Variants in CERS3 observed in about 807,000 individuals in gnomAD.
CERS3 encodes ceramide synthase 3.
In CERS3, 33 loss-of-function variants were observed where a neutral mutation model predicts 50.3. The observed-to-expected ratio is 0.66, with a 90% CI of 0.50 to 0.88. CERS3 has a LOEUF of 0.88. Ranked by LOEUF, CERS3 falls within the 40% of genes least tolerant of loss-of-function variation. The probability of loss-of-function intolerance (pLI) is 0.00; values close to 1 mark genes in which losing one functional copy is unlikely to be tolerated. For missense variants in CERS3, 470 were observed against 460.3 expected (o/e 1.02, Z -0.19); for synonymous variants, 176 against 155.2 (o/e 1.13, Z -0.99).
intron 1 of CERS3, among the ~76,000 whole-genome samples, chr15:100,537,318 G>C (rs1425324651): frequency 1.3e-5 from 2 of 152,244 alleles, no homozygotes; most frequent in Non-Finnish European, 2.9e-5. Flanking sequence ...GGTTGTTCCA[G>C]AGGGCATTAG....
intron 1 of CERS3, among the ~76,000 whole-genome samples, chr15:100,526,278 G>A (rs2036786095): frequency 6.6e-6 from 1 of 152,212 alleles, no homozygotes; most frequent in Non-Finnish European, 1.5e-5. Context: ...TTCGTGTTGG[G>A]GAGGGCTTGG....
chr15:100,445,121 T>C (rs1241155058), intron 11 of CERS3, among the ~76,000 whole-genome samples: 4 of 150,852 alleles, frequency 2.7e-5, no homozygotes, highest in South Asian at 2.1e-4. Flanking sequence ...GGCCTGTCCT[T>C]GGAATGCTAC....
chr15:100,441,603 C>A (rs923907757), intron 11 of CERS3, among the ~76,000 whole-genome samples: 1 of 152,096 alleles, frequency 6.6e-6, no homozygotes, highest in African/African-American at 2.4e-5. Context: ...CTCTTTAACT[C>A]GCACCTGACC....
At chr15:100,464,531 A>G (rs533251750) in intron 10 of CERS3, among the ~76,000 whole-genome samples, 2 of 152,318 alleles carry the variant, frequency 1.3e-5, no homozygotes, top group South Asian at 4.1e-4. Context: ...AGGTGGACCT[A>G]CCTGCGTGGA....
intron 11 of CERS3, among the ~76,000 whole-genome samples, chr15:100,438,322 G>C (rs996593378): frequency 1.3e-5 from 2 of 152,006 alleles, no homozygotes; most frequent in Admixed American, 6.6e-5. Flanking sequence ...TAGGATTCCA[G>C]TCATAAGCCA....
At chr15:100,499,327 A>G (rs1220687083) in intron 3 of CERS3, among the ~76,000 whole-genome samples, 1 of 152,236 alleles carries the variant, frequency 6.6e-6, no homozygotes, top group Non-Finnish European at 1.5e-5. Context: ...ATTAGAAACT[A>G]GTAGTCTGGA....
At chr15:100,530,540 A>ACACCTAC (rs2036912397), upstream of CERS3, among the ~76,000 whole-genome samples, 1 of 152,122 alleles carries the variant, frequency 6.6e-6, no homozygotes, top group East Asian at 1.9e-4. Context: ...CTTTATTGCA[A>ACACCTAC]CACCTACTAC....
intron 3 of CERS3, among the ~76,000 whole-genome samples, chr15:100,497,306 ATG>A (rs139734142): frequency 0.054 from 7,891 of 145,700 alleles, 251 homozygotes; most frequent in Admixed American, 0.11. Flanking sequence ...GCATATATGT[ATG>A]TGTGTGTGTG....
At chr15:100,408,306 A>C (rs1297747000) in intron 11 of CERS3, among the ~76,000 whole-genome samples, 2 of 152,142 alleles carry the variant, frequency 1.3e-5, no homozygotes, top group African/African-American at 4.8e-5. Flanking sequence ...AAACCATGTC[A>C]CTGACAGCAA....
At chr15:100,424,195 C>T (rs1439343358) in intron 11 of CERS3, among the ~76,000 whole-genome samples, 1 of 152,168 alleles carries the variant, frequency 6.6e-6, no homozygotes, top group African/African-American at 2.4e-5. Flanking sequence ...TCTGCCTTGG[C>T]CTCCCAAAGT....
At chr15:100,465,917 C>G (rs1396178981) in intron 10 of CERS3, among the ~76,000 whole-genome samples, 1 of 152,146 alleles carries the variant, frequency 6.6e-6, no homozygotes, top group Non-Finnish European at 1.5e-5. Flanking sequence ...CCTTGGCCTC[C>G]CAAAGTGCTG....
chr15:100,417,424 G>A (rs2032018027), intron 11 of CERS3, among the ~76,000 whole-genome samples: 1 of 152,092 alleles, frequency 6.6e-6, no homozygotes, highest in Admixed American at 6.5e-5. Context: ...CTGGCTCTGA[G>A]GGTCCTACCC....
At position 100,401,998 on chromosome 15, in the gene CERS3, G is replaced by GAGTC. The variant is rs2030572549; in HGVS notation, c.*711_*714dup. The GAGTC allele has an allele frequency of 1.3e-5, 2 of 152,256 alleles. No individual in the cohort carries two copies. Among genetic ancestry groups the GAGTC allele is most frequent in the South Asian group, 4.1e-4 (2 of 4,826 alleles). The allele number at this position is 152,256 out of a possible 1,614,324, so 9.4% of individuals were successfully genotyped here. On this transcript the variant is annotated 3_prime_UTR_variant, in exon 12 of 12. Transcript: ENST00000679737. ...GCACTTTCATTTCCAGGTATCTCCA[G>GAGTC]AGTCATTTAAGAGGAATTTTTAAAG...
intron 7 of CERS3, among the ~76,000 whole-genome samples, chr15:100,479,076 A>C (rs938559095): frequency 5.9e-5 from 9 of 152,206 alleles, no homozygotes; most frequent in African/African-American, 2.2e-4. Context: ...AGCATGTGTA[A>C]CTGAAAAGTC....
chr15:100,448,276 C>T (rs559228729), intron 11 of CERS3, among the ~76,000 whole-genome samples: 17 of 152,290 alleles, frequency 1.1e-4, no homozygotes, highest in South Asian at 4.1e-4. Context: ...ACACTTTGAA[C>T]AGATCCTCTA....
intron 11 of CERS3, among the ~76,000 whole-genome samples, chr15:100,447,620 C>T (rs1468720879): frequency 6.6e-6 from 1 of 152,252 alleles, no homozygotes; most frequent in Non-Finnish European, 1.5e-5. Flanking sequence ...TAAGACAAAG[C>T]AGAAATGCGA....
chr15:100,544,635 C>CG (rs2037313259), intron 1 of CERS3: 1 of 152,674 alleles, frequency 6.5e-6, no homozygotes, highest in Middle Eastern at 3.4e-3. Context: ...GCACCCGCCC[C>CG]GGGCCCCGCA....
Position 100,437,053 on chromosome 15 carries a change from C to A in CERS3, c.999+18840G>T, listed in dbSNP as rs143009872. Among the ~76,000 whole-genome samples the A allele has an allele frequency of 7.0e-3, 1,065 of 151,664 alleles. 12 individuals carry two copies. Among genetic ancestry groups the A allele is most frequent in the African/African-American group, 0.024 (1,003 of 41,308 alleles). On this transcript the variant is annotated intron_variant, in intron 11 of 11. Coordinates refer to ENST00000679737, the MANE Select transcript of CERS3 (RefSeq NM_001378789.1). The stretch of plus-strand genomic sequence containing the variant: ...CCGCCTCCTGGGTTCATGCCATTCT[C>A]CTGCCTTGGCCTCCTGAGAAGCTGG...
In CERS3 at chr15:100,400,940, C is replaced by T. The variant is rs938302444; in HGVS notation, c.*1773G>A. ...TGTCCTCATAAAAGCAAATGTTATACAGAGAAAATCTGACCTTGTTTGTAA... is the reference window on the plus strand; with the variant it reads ...TGTCCTCATAAAAGCAAATGTTATATAGAGAAAATCTGACCTTGTTTGTAA... On this transcript the variant is annotated 3_prime_UTR_variant, in exon 12 of 12. Transcript: ENST00000679737. The T allele has an allele frequency of 5.3e-5, 8 of 152,058 alleles. No individual in the cohort carries two copies. The highest frequency in any genetic ancestry group is 1.0e-4 in the Non-Finnish European group (7 of 68,016). 9.4% of individuals were successfully genotyped at this position (152,058 alleles called of 1,614,324 possible). A position where few individuals can be genotyped will look rare whatever the true frequency, so the allele number is the denominator to read the frequency against.
Sources: gnomAD v4.1 joint callset for allele counts (sites outside exome capture counted in the v4.1 genomes callset) on GRCh38, gnomAD v4.1.1 for gene constraint, MANE v1.5 for transcripts, NCBI Gene and HGNC (gene_info 2026-07-23, HGNC 2026-07-21) for gene names.